MLLT10: variants seen among roughly 807,000 people sequenced by gnomAD.
The protein encoded by MLLT10 is protein AF-10.
MLLT10 carries 30 observed loss-of-function variants against 129.1 expected under a neutral mutation model. The observed-to-expected ratio is 0.23, with a 90% CI of 0.17 to 0.32. MLLT10 has a LOEUF of 0.32. Ranked by LOEUF, MLLT10 falls within the 10% of genes least tolerant of loss-of-function variation. MLLT10 has a pLI of 1.00. For missense variants in MLLT10, 1,119 were observed against 1,268.3 expected (o/e 0.88, Z 1.79); for synonymous variants, 490 against 446.4 (o/e 1.10, Z -1.23).
intron 2 of MLLT10, among the ~76,000 whole-genome samples, chr10:21,536,713 C>T (rs1285361099): frequency 6.6e-6 from 1 of 152,066 alleles, no homozygotes; most frequent in Non-Finnish European, 1.5e-5. Flanking sequence ...GACCACAGGC[C>T]TGGACAACCA....
rs79082807 is a variant in MLLT10, at chr10:21,672,856, A to T, written c.1052-494A>T. Among the ~76,000 whole-genome samples the T allele has an allele frequency of 3.8e-3, 575 of 152,308 alleles. 5 individuals are homozygous for T. The highest frequency in any genetic ancestry group is 0.013 in the African/African-American group (543 of 41,562). On this transcript the variant is annotated intron_variant, in intron 10 of 22. Transcript: ENST00000307729. ...GAACTCATAACCTAGGAAACTTCTTAAGTTCTTATTGTATATTGGGAACAT... is the reference window on the plus strand; with the variant it reads ...GAACTCATAACCTAGGAAACTTCTTTAGTTCTTATTGTATATTGGGAACAT...
In MLLT10 at chr10:21,595,882, A is replaced by G. The variant is rs2042977110; in HGVS notation, c.405+442A>G. 2.6e-5 allele frequency among the ~76,000 whole-genome samples: 4 copies of G among 151,992 alleles called. No homozygotes were observed. The South Asian group carries it at 8.3e-4, about 32-fold the overall frequency. ...TCCTCCCAAAGTTATTTGTACCCCA[A>G]GATATGGTTTTTATTGTTGGCCTTA... On this transcript the variant is annotated intron_variant, in intron 5 of 22. Transcript: ENST00000307729.
chr10:21,628,583 G>A (rs932991011), intron 8 of MLLT10, among the ~76,000 whole-genome samples: 2 of 150,868 alleles, frequency 1.3e-5, no homozygotes, highest in East Asian at 2.0e-4. Flanking sequence ...CTGGGATTAC[G>A]GGCTTTTGCC....
chr10:21,704,236 T>C lies in MLLT10; in HGVS notation c.1700-9536T>C, dbSNP rs116738672. The stretch of plus-strand genomic sequence containing the variant: ...GTTGGCCAGGCTGATGTTGCAGTCC[T>C]GTACTCAAGTGATCTGCCAGCCTTG... On this transcript the variant is annotated intron_variant, in intron 13 of 22. Transcript: ENST00000307729. Among the ~76,000 whole-genome samples the C allele has an allele frequency of 4.6e-3, 697 of 150,598 alleles. 3 individuals are homozygous for C. The highest frequency in any genetic ancestry group is 0.016 in the African/African-American group (651 of 41,082).
chr10:21,546,785 TG>T (rs1316585790), intron 3 of MLLT10, among the ~76,000 whole-genome samples: 1 of 151,458 alleles, frequency 6.6e-6, no homozygotes, highest in Admixed American at 6.6e-5. Flanking sequence ...TGGAGTGTAA[TG>T]GTGCAATCTT....
chr10:21,586,590 A>C (rs1178182569), intron 4 of MLLT10, among the ~76,000 whole-genome samples: 2 of 152,138 alleles, frequency 1.3e-5, no homozygotes, highest in Non-Finnish European at 2.9e-5. Context: ...CTTCTAATTT[A>C]AATTCTTATG....
chr10:21,689,565 G>GTATATATATATATATATATATATATGTA (rs71393919), intron 13 of MLLT10, among the ~76,000 whole-genome samples: 4 of 113,456 alleles, frequency 3.5e-5, no homozygotes, highest in Non-Finnish European at 7.0e-5. Flanking sequence ...ATATATATAT[G>GTATATATATATATATATATATATATGTA]TATATATATA....
intron 8 of MLLT10, among the ~76,000 whole-genome samples, chr10:21,643,579 A>G (rs2048217753): frequency 6.6e-6 from 1 of 152,200 alleles, no homozygotes; most frequent in Non-Finnish European, 1.5e-5. Flanking sequence ...ATAATGGAGA[A>G]CATTTCCTTT....
chr10:21,573,598 T>C (rs2040434725), intron 3 of MLLT10, among the ~76,000 whole-genome samples: 1 of 146,554 alleles, frequency 6.8e-6, no homozygotes, highest in Non-Finnish European at 1.5e-5. Context: ...GTATTATTCT[T>C]TTTTTTTTTT....
At chr10:21,686,170 G>A (rs1278926994) in intron 13 of MLLT10, among the ~76,000 whole-genome samples, 1 of 152,066 alleles carries the variant, frequency 6.6e-6, no homozygotes, top group Non-Finnish European at 1.5e-5. Context: ...AAATCTCTTA[G>A]GCTGCTTCAT....
chr10:21,542,146 G>A lies in MLLT10; in HGVS notation c.240+3234G>A, dbSNP rs372940735. Among the ~76,000 whole-genome samples the A allele has an allele frequency of 2.6e-5, 4 of 152,308 alleles. No individual in the cohort carries two copies. In the East Asian group the frequency reaches 7.7e-4, roughly 29 times the overall value. On this transcript the variant is annotated intron_variant, in intron 3 of 22. Transcript: ENST00000307729. ...ATAAGGTGGGTATTCAGAGAGAGAA[G>A]ATAATGAATAGGGAGTGTCAGAATG...
intron 7 of MLLT10, among the ~76,000 whole-genome samples, chr10:21,616,721 G>A (rs1301176465): frequency 6.6e-6 from 1 of 151,786 alleles, no homozygotes; most frequent in Non-Finnish European, 1.5e-5. Context: ...GCTTTTCCTA[G>A]TGGCATAAAG....
intron 9 of MLLT10, among the ~76,000 whole-genome samples, chr10:21,669,962 A>G (rs2051218726): frequency 6.6e-6 from 1 of 152,078 alleles, no homozygotes; most frequent in Non-Finnish European, 1.5e-5. Flanking sequence ...GTTTCCTTCA[A>G]AAGTTTTGCT....
intron 3 of MLLT10, among the ~76,000 whole-genome samples, chr10:21,568,473 C>T (rs929588015): frequency 6.6e-6 from 1 of 152,040 alleles, no homozygotes; most frequent in Non-Finnish European, 1.5e-5. Context: ...TTCTTTTGCT[C>T]TTCTAGTTTC....
chr10:21,540,586 C>T (rs1157992179), intron 3 of MLLT10, among the ~76,000 whole-genome samples: 1 of 152,050 alleles, frequency 6.6e-6, no homozygotes, highest in African/African-American at 2.4e-5. Flanking sequence ...TTTGTATCCA[C>T]AAGCATTTTT....
At chr10:21,640,360 ATGTG>A (rs980425218) in intron 8 of MLLT10, among the ~76,000 whole-genome samples, 1 of 147,520 alleles carries the variant, frequency 6.8e-6, no homozygotes, top group Non-Finnish European at 1.5e-5. Context: ...ACACACATAT[ATGTG>A]TGTGTGTATA....
chr10:21,705,339 C>T (rs146635275), intron 13 of MLLT10, among the ~76,000 whole-genome samples: 86 of 152,256 alleles, frequency 5.6e-4, no homozygotes, highest in Non-Finnish European at 7.2e-4. Context: ...TGTTGGATTG[C>T]GCTGGGCAGT....
At position 21,735,096 on chromosome 10, in the gene MLLT10, T is replaced by C. The variant is rs771236341; in HGVS notation, c.2859-43T>C. On this transcript the variant is annotated intron_variant, in intron 20 of 22. Transcript: ENST00000307729. Reference sequence around the variant, plus strand: ...CATTTTTAGACTTCTAAAAATGCATTAGAGGTGTGTAGTAAAAAGTAAGAA... The same window carrying C: ...CATTTTTAGACTTCTAAAAATGCATCAGAGGTGTGTAGTAAAAAGTAAGAA... 4.3e-6 allele frequency: 6 copies of C among 1,398,338 alleles called. No individual in the cohort carries two copies. In the Admixed American group the frequency reaches 1.1e-4, roughly 25 times the overall value. 86.6% of individuals were successfully genotyped at this position (1,398,338 alleles called of 1,614,324 possible).
At chr10:21,733,689 C>G in intron 19 of MLLT10, 79 bp from the exon 20 acceptor site, 2 of 1,512,890 alleles carry the variant, frequency 1.3e-6, no homozygotes, top group South Asian at 1.3e-5. Flanking sequence ...TTGCAGTGTT[C>G]TTTAAACTTA....
Sources: gnomAD v4.1 joint callset for allele counts (sites outside exome capture counted in the v4.1 genomes callset) on GRCh38, gnomAD v4.1.1 for gene constraint, MANE v1.5 for transcripts, NCBI Gene and HGNC (gene_info 2026-07-23, HGNC 2026-07-21) for gene names.